Variants in THADA observed in about 807,000 individuals in gnomAD.
The protein encoded by THADA is THADA armadillo repeat containing, also known as tRNA (32-2'-O)-methyltransferase regulator THADA.
Under a neutral mutation model 219.8 loss-of-function variants are expected in THADA, and 213 were observed. The observed-to-expected ratio is 0.97, with a 90% CI of 0.87 to 1.09. The LOEUF (loss-of-function observed/expected upper bound fraction) is 1.09. THADA is among the 50% of genes least tolerant of loss of function. The pLI is 0.00. For missense variants in THADA, 2,956 were observed against 2,311.3 expected (o/e 1.28, Z -5.72); for synonymous variants, 1,018 against 828.9 (o/e 1.23, Z -3.92).
chr2:43,551,421 G>C (rs1189624896), intron 19 of THADA, among the ~76,000 whole-genome samples: 1 of 151,992 alleles, frequency 6.6e-6, no homozygotes, highest in Non-Finnish European at 1.5e-5. Context: ...AAATACAGAT[G>C]CTCCAATAAG....
chr2:43,334,667 C>G (rs1329099471), intron 30 of THADA, among the ~76,000 whole-genome samples: 1 of 151,594 alleles, frequency 6.6e-6, no homozygotes, highest in Non-Finnish European at 1.5e-5. Context: ...CCCAGCTACT[C>G]GGGAGGCTCA....
chr2:43,315,506 A>G (rs896390583), intron 31 of THADA, among the ~76,000 whole-genome samples: 18 of 151,048 alleles, frequency 1.2e-4, no homozygotes, highest in African/African-American at 3.9e-4. Flanking sequence ...TCTGTCACCC[A>G]GGTTGGACTG....
Position 43,408,945 on chromosome 2 carries a change from A to G in THADA, c.4059-10806T>C, listed in dbSNP as rs371726345. On this transcript the variant is annotated intron_variant, in intron 28 of 37. Transcript: ENST00000405975. ...CCTCTGTGGAGTTGGAGAACAAATG[A>G]CCAGTGTTTTCTACACAGAGGAAAA... 5.3e-5 allele frequency among the ~76,000 whole-genome samples: 8 copies of G among 152,310 alleles called. No homozygotes were observed. The East Asian group carries it at 5.8e-4, about 11-fold the overall frequency.
chr2:43,518,103 T>C (rs1691957820), intron 22 of THADA, among the ~76,000 whole-genome samples: 1 of 152,286 alleles, frequency 6.6e-6, no homozygotes, highest in African/African-American at 2.4e-5. Flanking sequence ...ATTTTCTACA[T>C]CTCCATGTAT....
intron 34 of THADA, among the ~76,000 whole-genome samples, chr2:43,289,802 C>A (rs1674474698): frequency 6.6e-6 from 1 of 151,954 alleles, no homozygotes; most frequent in Non-Finnish European, 1.5e-5. Flanking sequence ...CGGGCGCATA[C>A]CACCACATCT....
At chr2:43,454,496 G>C (rs1019099366) in intron 26 of THADA, among the ~76,000 whole-genome samples, 3 of 151,998 alleles carry the variant, frequency 2.0e-5, no homozygotes, top group African/African-American at 4.8e-5. Context: ...CAGCTACTTG[G>C]ATGGCTGAGG....
At chr2:43,332,624 A>T (rs1419444414) in intron 30 of THADA, among the ~76,000 whole-genome samples, 1 of 152,220 alleles carries the variant, frequency 6.6e-6, no homozygotes, top group Non-Finnish European at 1.5e-5. Context: ...TAAAGGAAAA[A>T]ACATAACCCA....
At chr2:43,269,120 C>A (rs1178927840) in intron 36 of THADA, among the ~76,000 whole-genome samples, 1 of 152,220 alleles carries the variant, frequency 6.6e-6, no homozygotes, top group Admixed American at 6.5e-5. Flanking sequence ...AGAGCCGAGG[C>A]CACGAGCTGG....
intron 7 of THADA, 111 bp from the exon 8 acceptor site, chr2:43,582,039 A>G: frequency 2.6e-6 from 2 of 755,940 alleles, no homozygotes; most frequent in Non-Finnish European, 4.0e-6. Context: ...TCAATTTTAA[A>G]TTATGATAAT....
intron 28 of THADA, among the ~76,000 whole-genome samples, chr2:43,418,117 C>T (rs1677228125): frequency 6.6e-6 from 1 of 152,148 alleles, no homozygotes; most frequent in African/African-American, 2.4e-5. Context: ...GTGCCTGAAA[C>T]ATAATTGTTT....
chr2:43,394,651 C>G (rs904851143), intron 29 of THADA, among the ~76,000 whole-genome samples: 2 of 152,142 alleles, frequency 1.3e-5, no homozygotes, highest in African/African-American at 4.8e-5. Context: ...AAAGAAAGAG[C>G]CCTTCCCAAC....
intron 36 of THADA, among the ~76,000 whole-genome samples, chr2:43,273,197 C>T (rs1255127533): frequency 1.3e-5 from 2 of 150,998 alleles, no homozygotes; most frequent in East Asian, 1.9e-4. Flanking sequence ...TGCAGTGAGC[C>T]GAGATTGCAC....
intron 28 of THADA, among the ~76,000 whole-genome samples, chr2:43,403,614 C>T (rs1320437857): frequency 1.3e-5 from 2 of 152,066 alleles, no homozygotes; most frequent in East Asian, 3.8e-4. Flanking sequence ...ATTAACATTC[C>T]CCCAGTTCCT....
Position 43,574,585 on chromosome 2 carries a change from C to A in THADA, c.1480G>T (p.Ala494Ser), listed in dbSNP as rs1332087317. 6.2e-7 allele frequency: 1 copy of A among 1,613,804 alleles called. No homozygotes were observed. The highest frequency in any genetic ancestry group is 8.5e-7 in the Non-Finnish European group (1 of 1,179,874). The change falls in exon 11 of 38, where the codon GCA becomes TCA. Residue 494 changes from alanine (A) to serine (S), a missense_variant. Physicochemically the swap from Ala to Ser is moderately conservative, Grantham distance 99. Transcript: ENST00000405975. ...AACATGGTTTCCAAGAGGTCACTTG[C>A]ATAAGGTACCAATGACTGGTCTCCC... ...VMGDQSLVPY[A>S]SDLLETMFRN...
At chr2:43,470,451 G>A (rs1684780069) in intron 26 of THADA, among the ~76,000 whole-genome samples, 1 of 151,960 alleles carries the variant, frequency 6.6e-6, no homozygotes, top group African/African-American at 2.4e-5. Context: ...AGTAAACTAC[G>A]ATTTGTCCAT....
chr2:43,234,728 A>G (rs1327793833), intron 36 of THADA, among the ~76,000 whole-genome samples: 2 of 152,116 alleles, frequency 1.3e-5, no homozygotes, highest in African/African-American at 4.8e-5. Context: ...ATCTTGGCTC[A>G]CTGCAACCTC....
chr2:43,505,914 G>A (rs1689615350), intron 23 of THADA, among the ~76,000 whole-genome samples, 179 bp from the exon 24 acceptor site: 1 of 152,192 alleles, frequency 6.6e-6, no homozygotes, highest in South Asian at 2.1e-4. Flanking sequence ...TGAACCTACA[G>A]ATTCTTCATC....
At chr2:43,399,051 C>A (rs1397482997) in intron 28 of THADA, among the ~76,000 whole-genome samples, 1 of 152,146 alleles carries the variant, frequency 6.6e-6, no homozygotes, top group Non-Finnish European at 1.5e-5. Context: ...CAATCAGAAA[C>A]TTAAAGGCCA....
chr2:43,321,707 A>G (rs1678737177), intron 30 of THADA, among the ~76,000 whole-genome samples: 2 of 152,258 alleles, frequency 1.3e-5, no homozygotes, highest in African/African-American at 4.8e-5. Context: ...CAGCAATAGA[A>G]AATGGACTAA....
Sources: gnomAD v4.1 joint callset for allele counts (sites outside exome capture counted in the v4.1 genomes callset) on GRCh38, gnomAD v4.1.1 for gene constraint, MANE v1.5 for transcripts, NCBI Gene and HGNC (gene_info 2026-07-23, HGNC 2026-07-21) for gene names.